ULK4: variants seen among roughly 807,000 people sequenced by gnomAD.
ULK4 encodes the protein inactive serine/threonine-protein kinase ULK4.
A neutral mutation model predicts 160.6 loss-of-function variants in ULK4; 133 were observed. The observed-to-expected ratio is 0.83, with a 90% CI of 0.72 to 0.96. ULK4 has a LOEUF of 0.96. Ranked by LOEUF, ULK4 falls within the 40% of genes least tolerant of loss-of-function variation. ULK4 has a pLI of 0.00. For missense variants in ULK4, 1,580 were observed against 1,499.5 expected, an observed-to-expected ratio of 1.05 and a Z score of -0.89; for synonymous variants, 534 against 539.8, an observed-to-expected ratio of 0.99 and a Z score of 0.15.
intron 32 of ULK4, among the ~76,000 whole-genome samples, chr3:41,512,741 C>T (rs1180395946): frequency 6.6e-6 from 1 of 152,060 alleles, no homozygotes; most frequent in African/African-American, 2.4e-5. Context: ...CATCGAAATA[C>T]CACAATCACT....
intron 25 of ULK4, among the ~76,000 whole-genome samples, chr3:41,713,260 C>T (rs1363312954): frequency 6.6e-6 from 1 of 152,176 alleles, no homozygotes; most frequent in Non-Finnish European, 1.5e-5. Flanking sequence ...CAGTAAGGCA[C>T]TGTAACTTGA....
At chr3:41,369,311 G>A (rs1447571753) in intron 35 of ULK4, among the ~76,000 whole-genome samples, 1 of 152,020 alleles carries the variant, frequency 6.6e-6, no homozygotes, top group African/African-American at 2.4e-5. Flanking sequence ...GACTCAGCAT[G>A]GCAAAACCTT....
At chr3:41,582,813 C>A (rs2030480803) in intron 31 of ULK4, among the ~76,000 whole-genome samples, 1 of 152,216 alleles carries the variant, frequency 6.6e-6, no homozygotes, top group African/African-American at 2.4e-5. Context: ...AGTACTATTA[C>A]TGATTCTATT....
chr3:41,338,409 A>G (rs1296172145), intron 35 of ULK4, among the ~76,000 whole-genome samples: 2 of 152,184 alleles, frequency 1.3e-5, no homozygotes, highest in East Asian at 3.9e-4. Flanking sequence ...CAAACACACA[A>G]ACATTAATTT....
rs371326009 is a variant in ULK4 at position 41,935,964 on chromosome 3, C to G, written c.239-24G>C. ...ACCTGCAAGAGGTTGATTAAAATCA[C>G]CCATTTCAACCCCCTACCATCACAG... On this transcript the variant is annotated intron_variant, in intron 3 of 36. Coordinates refer to ENST00000301831, the MANE Select transcript of ULK4 (RefSeq NM_017886.4). 6.2e-6 allele frequency: 10 copies of G among 1,603,398 alleles called. No homozygotes were observed. The African/African-American group carries it at 1.1e-4, about 17-fold the overall frequency.
At chr3:41,732,849 G>A (rs991487158) in intron 22 of ULK4, among the ~76,000 whole-genome samples, 1 of 152,084 alleles carries the variant, frequency 6.6e-6, no homozygotes, top group African/African-American at 2.4e-5. Context: ...AGGGCATTAC[G>A]TTAAGTGAAA....
At chr3:41,659,546 C>T (rs1201833028) in intron 30 of ULK4, among the ~76,000 whole-genome samples, 2 of 152,076 alleles carry the variant, frequency 1.3e-5, no homozygotes, top group Non-Finnish European at 2.9e-5. Context: ...ATTTCAACTG[C>T]CACAATGGCA....
At chr3:41,508,146 G>A in intron 32 of ULK4, among the ~76,000 whole-genome samples, 1 of 152,176 alleles carries the variant, frequency 6.6e-6, no homozygotes, top group East Asian at 1.9e-4. Context: ...AGAGTAGGGT[G>A]AGGCCTATGA....
chr3:41,679,609 A>T (rs1238776704), intron 29 of ULK4, among the ~76,000 whole-genome samples: 2 of 152,244 alleles, frequency 1.3e-5, no homozygotes, highest in Admixed American at 6.5e-5. Flanking sequence ...GACTCATACT[A>T]AAGGAAATAT....
chr3:41,571,953 C>G (rs1001995432), intron 31 of ULK4, among the ~76,000 whole-genome samples: 1 of 152,184 alleles, frequency 6.6e-6, no homozygotes, highest in Non-Finnish European at 1.5e-5. Context: ...AGCTGCCACA[C>G]GGGCCCGAGC....
At chr3:41,498,702 T>C (rs971472339) in intron 32 of ULK4, among the ~76,000 whole-genome samples, 6 of 151,972 alleles carry the variant, frequency 3.9e-5, no homozygotes, top group African/African-American at 1.4e-4. Context: ...TTCACGCCAT[T>C]CTCCTGCCTC....
intron 2 of ULK4, among the ~76,000 whole-genome samples, chr3:41,950,684 CA>C (rs1369107357): frequency 6.6e-6 from 1 of 151,866 alleles, no homozygotes; most frequent in African/African-American, 2.4e-5. Flanking sequence ...CCACAATGTC[CA>C]GGGGGAATTT....
intron 16 of ULK4, among the ~76,000 whole-genome samples, chr3:41,888,855 C>G (rs574132899): frequency 6.6e-6 from 1 of 152,338 alleles, no homozygotes; most frequent in Admixed American, 6.5e-5. Context: ...CCTACCTGAT[C>G]TTCAGCCAGC....
At chr3:41,544,665 T>C (rs767139287) in intron 32 of ULK4, among the ~76,000 whole-genome samples, 8 of 152,330 alleles carry the variant, frequency 5.3e-5, no homozygotes, top group Non-Finnish European at 1.0e-4. Flanking sequence ...TTGACAATGA[T>C]TGTTTGCTAT....
At chr3:41,774,043 C>T (rs1156900348) in intron 21 of ULK4, among the ~76,000 whole-genome samples, 1 of 152,122 alleles carries the variant, frequency 6.6e-6, no homozygotes, top group African/African-American at 2.4e-5. Flanking sequence ...AACTGGATCC[C>T]TTCCTTACAC....
At chr3:41,601,052 T>C (rs1454857161) in intron 31 of ULK4, among the ~76,000 whole-genome samples, 2 of 152,146 alleles carry the variant, frequency 1.3e-5, no homozygotes, top group Non-Finnish European at 2.9e-5. Flanking sequence ...TAAAACAATA[T>C]AATAGAGTAA....
chr3:41,495,079 A>G (rs1198161728), intron 32 of ULK4, among the ~76,000 whole-genome samples: 1 of 152,190 alleles, frequency 6.6e-6, no homozygotes, highest in East Asian at 1.9e-4. Flanking sequence ...GGAAAAAACA[A>G]CTTTCAAGTT....
At chr3:41,293,939 C>G (rs978430766) in intron 35 of ULK4, among the ~76,000 whole-genome samples, 1 of 152,178 alleles carries the variant, frequency 6.6e-6, no homozygotes, top group Non-Finnish European at 1.5e-5. Flanking sequence ...AAATGACTCT[C>G]AGTAAAGAGA....
Position 41,420,468 on chromosome 3 carries a change from G to GTTTTTTTTTT in ULK4, c.3493-22205_3493-22204insAAAAAAAAAA, listed in dbSNP as rs1559588075. 2.2e-5 allele frequency among the ~76,000 whole-genome samples: 2 copies of GTTTTTTTTTT among 90,048 alleles called. 1 individual carries two copies. Among genetic ancestry groups the GTTTTTTTTTT allele is most frequent in the African/African-American group, 9.2e-5 (2 of 21,726 alleles). 59.1% of individuals were successfully genotyped at this position (90,048 alleles called of 152,430 possible). A position where few individuals can be genotyped will look rare whatever the true frequency, so the allele number is the denominator to read the frequency against. On this transcript the variant is annotated intron_variant, in intron 34 of 36. Transcript: ENST00000301831. ...GTGTAAGGGATTTTTCAGTTTTCCA[G>GTTTTTTTTTT]TTCTTTCTTTTTTTTTTTTTTTTTT...
Sources: allele counts gnomAD v4.1 joint callset (sites outside exome capture counted in the v4.1 genomes callset), GRCh38; gene constraint gnomAD v4.1.1; transcripts MANE v1.5; gene names NCBI Gene and HGNC (gene_info 2026-07-23, HGNC 2026-07-21).